The following ZDHHC20 variants were observed in gnomAD, a reference collection of about 807,000 sequenced individuals.
ZDHHC20 encodes the protein zDHHC palmitoyltransferase 20.
In ZDHHC20, 43 loss-of-function variants were observed where a neutral mutation model predicts 57.8. The observed-to-expected ratio is 0.74, with a 90% CI of 0.58 to 0.96. The LOEUF (loss-of-function observed/expected upper bound fraction) is 0.96, where lower values mean the gene tolerates loss of function less well. ZDHHC20 is among the 40% of genes least tolerant of loss of function. The pLI, the probability that ZDHHC20 is intolerant of heterozygous loss-of-function variation, is 0.00. For synonymous variants in ZDHHC20, 157 were observed against 153.0 expected, an observed-to-expected ratio of 1.03 and a Z score of -0.19; for missense variants, 391 against 441.1, an observed-to-expected ratio of 0.89 and a Z score of 1.02.
At chr13:21,430,892 A>G (rs960948395) in intron 1 of ZDHHC20, among the ~76,000 whole-genome samples, 1 of 152,102 alleles carries the variant, frequency 6.6e-6, no homozygotes, top group African/African-American at 2.4e-5. Context: ...CACACTTTCC[A>G]TGGATTTTAG....
In ZDHHC20 at chr13:21,376,230, A is replaced by T. The variant is rs1228078298; in HGVS notation, c.*466T>A. Reference sequence around the variant, plus strand: ...TCCTTATACAGTACAAGCAACAGTAATTTGAATATTATTCACTTTCAGCCA... The same window carrying T: ...TCCTTATACAGTACAAGCAACAGTATTTTGAATATTATTCACTTTCAGCCA... On this transcript the variant is annotated 3_prime_UTR_variant, in exon 13 of 13. Transcript: ENST00000400590. 6.5e-6 allele frequency: 1 copy of T among 153,478 alleles called. No individual in the cohort carries two copies. The highest frequency in any genetic ancestry group is 2.4e-5 in the African/African-American group (1 of 41,524). The allele number at this position is 153,478 out of a possible 1,614,324, so 9.5% of individuals were successfully genotyped here.
intron 4 of ZDHHC20, among the ~76,000 whole-genome samples, chr13:21,410,279 C>T (rs183377037): frequency 6.6e-6 from 1 of 152,292 alleles, no homozygotes; most frequent in East Asian, 1.9e-4. Context: ...GAGGGGCACC[C>T]TCTAGATGTC....
intron 1 of ZDHHC20, among the ~76,000 whole-genome samples, chr13:21,442,484 G>A (rs575352560): frequency 6.6e-6 from 1 of 152,314 alleles, no homozygotes; most frequent in South Asian, 2.1e-4. Context: ...GCCAGGCACG[G>A]TGACTCATGC....
intron 1 of ZDHHC20, among the ~76,000 whole-genome samples, chr13:21,444,374 G>A (rs1173899378): frequency 6.6e-6 from 1 of 152,084 alleles, no homozygotes; most frequent in Admixed American, 6.6e-5. Context: ...CCAGGCCACA[G>A]TAAAACAAGA....
chr13:21,376,834 T>C (rs1479719906), intron 12 of ZDHHC20, 179 bp from the exon 13 acceptor site: 1 of 385,432 alleles, frequency 2.6e-6, no homozygotes, highest in Non-Finnish European at 4.7e-6. Context: ...TGAGTGGGTA[T>C]TACTGTCTTC....
At chr13:21,402,395 T>C (rs1377772539) in intron 5 of ZDHHC20, among the ~76,000 whole-genome samples, 1 of 152,062 alleles carries the variant, frequency 6.6e-6, no homozygotes, top group Non-Finnish European at 1.5e-5. Context: ...AGACCACAGA[T>C]CATCTAAAAA....
At chr13:21,421,690 T>C (rs1880667199) in intron 2 of ZDHHC20, among the ~76,000 whole-genome samples, 2 of 152,196 alleles carry the variant, frequency 1.3e-5, no homozygotes, top group Non-Finnish European at 2.9e-5. Context: ...TTTTGGCCAT[T>C]TTGAATATCT....
At position 21,372,985 on chromosome 13, in the gene ZDHHC20, G is replaced by C. The variant is rs1871448344; in HGVS notation, c.*3711C>G. ...TAGAATGAAGTCATTAGAAAAATAT[G>C]AACCTTTCTGAATCTATATTACATT... On this transcript the variant is annotated 3_prime_UTR_variant, in exon 13 of 13. Coordinates refer to ENST00000400590, the MANE Select transcript of ZDHHC20 (RefSeq NM_001330059.2). The C allele has an allele frequency of 6.6e-6, 1 of 152,050 alleles. No individual in the cohort carries two copies. The highest frequency in any genetic ancestry group is 2.1e-4 in the South Asian group (1 of 4,824). The allele number at this position is 152,050 out of a possible 1,614,324, so 9.4% of individuals were successfully genotyped here.
At chr13:21,437,566 A>C (rs1246219789) in intron 1 of ZDHHC20, among the ~76,000 whole-genome samples, 1 of 152,208 alleles carries the variant, frequency 6.6e-6, no homozygotes, top group East Asian at 1.9e-4. Context: ...AGTTGAAGCC[A>C]ATGCTCATTT....
rs568789980 is a variant in ZDHHC20, at chr13:21,454,916, TGTTG to T, written c.118+4134_118+4137del. Among the ~76,000 whole-genome samples the T allele has an allele frequency of 4.1e-3, 599 of 146,602 alleles. 2 individuals carry two copies. The highest frequency in any genetic ancestry group is 9.0e-3 in the Admixed American group (136 of 15,072). ...AACATAGCTCTTTTGTTTGTTTGTT[TGTTG>T]GTTTGTTGGTTCGTTTTTGAGACAG... is the stretch of plus-strand genomic sequence containing the variant. On this transcript the variant is annotated intron_variant, in intron 1 of 12. Transcript: ENST00000400590.
chr13:21,450,281 C>G (rs9509727), intron 1 of ZDHHC20, among the ~76,000 whole-genome samples: 3 of 151,878 alleles, frequency 2.0e-5, no homozygotes, highest in Admixed American at 6.6e-5. Context: ...GGAAAGGGAG[C>G]GGGCAGAGAA....
chr13:21,448,562 G>A (rs1884098964), intron 1 of ZDHHC20, among the ~76,000 whole-genome samples: 1 of 93,510 alleles, frequency 1.1e-5, no homozygotes, highest in African/African-American at 3.4e-5. Context: ...GAGCCCCTCT[G>A]CCCGGCCAGC....
intron 4 of ZDHHC20, among the ~76,000 whole-genome samples, chr13:21,406,365 G>A (rs1462048234): frequency 6.6e-6 from 1 of 152,036 alleles, no homozygotes; most frequent in Non-Finnish European, 1.5e-5. Flanking sequence ...ATTTCAACCA[G>A]GTTTCTGTTA....
chr13:21,412,757 C>T (rs1180421648), intron 4 of ZDHHC20, among the ~76,000 whole-genome samples: 1 of 151,828 alleles, frequency 6.6e-6, no homozygotes, highest in African/African-American at 2.4e-5. Flanking sequence ...TCACTTGAGG[C>T]CAGGAATTCG....
At chr13:21,422,861 G>A (rs746024755) in intron 2 of ZDHHC20, among the ~76,000 whole-genome samples, 2 of 151,950 alleles carry the variant, frequency 1.3e-5, no homozygotes, top group Non-Finnish European at 2.9e-5. Flanking sequence ...GCACATCCTA[G>A]TAAAACCCTG....
At chr13:21,412,257 T>C (rs757295071) in intron 4 of ZDHHC20, among the ~76,000 whole-genome samples, 59 of 152,326 alleles carry the variant, frequency 3.9e-4, no homozygotes, top group Non-Finnish European at 4.0e-4. Context: ...TATGTTAACA[T>C]CCTTGAATCT....
intron 8 of ZDHHC20, among the ~76,000 whole-genome samples, chr13:21,390,581 G>T (rs1875511580): frequency 6.6e-6 from 1 of 152,148 alleles, no homozygotes; most frequent in African/African-American, 2.4e-5. Context: ...AGTTAAATGT[G>T]TTTAACTGTG....
chr13:21,440,757 C>T (rs1193323405), intron 1 of ZDHHC20, among the ~76,000 whole-genome samples: 6 of 152,038 alleles, frequency 3.9e-5, no homozygotes, highest in African/African-American at 1.4e-4. Context: ...ATCCAATTGT[C>T]CCATCTTTTC....
chr13:21,459,235 C>A lies in ZDHHC20; in HGVS notation c.-64G>T. On this transcript the variant is annotated 5_prime_UTR_variant, in exon 1 of 13. Transcript: ENST00000400590. The stretch of plus-strand genomic sequence containing the variant: ...CTGGGGAGCGCGGGAGCCCCGGCGA[C>A]GGTGACTCGGACGCTCCAGGCGGCT... The A allele has an allele frequency of 7.6e-7, 1 of 1,321,884 alleles. No homozygotes were observed. 81.9% of individuals were successfully genotyped at this position (1,321,884 alleles called of 1,614,324 possible).
Sources: allele counts gnomAD v4.1 joint callset (sites outside exome capture counted in the v4.1 genomes callset), GRCh38; gene constraint gnomAD v4.1.1; transcripts MANE v1.5; gene names NCBI Gene and HGNC (gene_info 2026-07-23, HGNC 2026-07-21).